The following CPA6 variants were observed in gnomAD, a reference collection of about 807,000 sequenced individuals.
CPA6 encodes the protein carboxypeptidase B.
Under a neutral mutation model 63.3 loss-of-function variants are expected in CPA6, and 58 were observed. The ratio of observed to expected loss-of-function variants is 0.92; its 90% CI spans 0.74 to 1.14. The LOEUF (loss-of-function observed/expected upper bound fraction) is 1.14, where lower values mean the gene tolerates loss of function less well. Among genes scored for constraint, CPA6 ranks in the 50% most tolerant of loss-of-function variants. CPA6 has a pLI of 0.00. For missense variants in CPA6, 565 were observed against 526.6 expected, an observed-to-expected ratio of 1.07 and a Z score of -0.71; for synonymous variants, 185 against 179.0, an observed-to-expected ratio of 1.03 and a Z score of -0.27.
intron 1 of CPA6, among the ~76,000 whole-genome samples, chr8:67,665,201 A>T (rs1816200554): frequency 6.6e-6 from 1 of 152,210 alleles, no homozygotes; most frequent in South Asian, 2.1e-4. Context: ...CACCAACAAC[A>T]TCCAAAAAAC....
chr8:67,488,874 A>G (rs2128961999), intron 6 of CPA6, among the ~76,000 whole-genome samples: 1 of 152,232 alleles, frequency 6.6e-6, no homozygotes, highest in East Asian at 1.9e-4. Flanking sequence ...TGGTGTAAGA[A>G]TGCTTGTGAT....
At chr8:67,458,485 A>C (rs899958645) in intron 8 of CPA6, among the ~76,000 whole-genome samples, 1 of 152,226 alleles carries the variant, frequency 6.6e-6, no homozygotes, top group Non-Finnish European at 1.5e-5. Flanking sequence ...GGAGTGAGCC[A>C]TCGTGCCTGG....
chr8:67,721,149 T>C (rs911647732), intron 1 of CPA6, among the ~76,000 whole-genome samples: 2 of 152,258 alleles, frequency 1.3e-5, no homozygotes, highest in Non-Finnish European at 2.9e-5. Flanking sequence ...TTGCTTCCTT[T>C]TATAAGCCCA....
chr8:67,609,054 C>T (rs1019245117), intron 2 of CPA6, among the ~76,000 whole-genome samples: 2 of 152,224 alleles, frequency 1.3e-5, no homozygotes, highest in Non-Finnish European at 2.9e-5. Context: ...ACATGTGTCA[C>T]TCTATGGTAT....
Position 67,434,198 on chromosome 8 carries a change from C to G in CPA6, c.881G>C (p.Gly294Ala). The change falls in exon 9 of 11, where the codon GGC becomes GCC. Residue 294 changes from glycine to alanine, a missense_variant. Gly to Ala is a moderately conservative substitution (Grantham distance 60). Coordinates refer to ENST00000297770, the MANE Select transcript of CPA6 (RefSeq NM_020361.5). ...TTCCGGCTCAGATTCTGGAAAAGGG[C>G]CACAGTATGTGTCATCACAAGGGTG... is the stretch of plus-strand genomic sequence containing the variant. ...SMHPCDDTYCGPFPESEPEVK... is the reference protein window; with the variant it reads ...SMHPCDDTYCAPFPESEPEVK... The G allele has an allele frequency of 6.2e-7, 1 of 1,614,094 alleles. No individual in the cohort carries two copies. Among genetic ancestry groups the G allele is most frequent in the Non-Finnish European group, 8.5e-7 (1 of 1,180,022 alleles).
Position 67,518,037 on chromosome 8 carries a change from C to A in CPA6, c.203G>T (p.Trp68Leu). 1 of 1,596,488 alleles carries A rather than the reference C, an allele frequency of 6.3e-7. No homozygotes were observed. The highest frequency in any genetic ancestry group is 8.5e-7 in the Non-Finnish European group (1 of 1,173,034). Residue 68 changes from tryptophan (W) to leucine (L), a missense_variant, in exon 3 of 11, where the codon TGG (tryptophan) becomes TTG (leucine). Coordinates refer to ENST00000297770, the MANE Select transcript of CPA6 (RefSeq NM_020361.5). ...KISYQLKVDL[W>L]QPSSISYVSE... Reference sequence around the variant, plus strand: ...TACATAGGAGATACTGCTGGGCTGCCACAGGTCCACCTGTAGTGCAGGAAC... The same window carrying A: ...TACATAGGAGATACTGCTGGGCTGCAACAGGTCCACCTGTAGTGCAGGAAC...
chr8:67,426,847 G>A (rs1271058370), intron 10 of CPA6, among the ~76,000 whole-genome samples: 1 of 152,142 alleles, frequency 6.6e-6, no homozygotes, highest in Non-Finnish European at 1.5e-5. Flanking sequence ...GAGTTTAAAA[G>A]GCCCTGAATC....
chr8:67,575,298 T>A (rs1813593976), intron 2 of CPA6, among the ~76,000 whole-genome samples: 1 of 152,174 alleles, frequency 6.6e-6, no homozygotes, highest in South Asian at 2.1e-4. Flanking sequence ...GAATGTAAAT[T>A]AGTACAGCCA....
At chr8:67,638,656 CA>C (rs1374965551) in intron 1 of CPA6, among the ~76,000 whole-genome samples, 2 of 151,550 alleles carry the variant, frequency 1.3e-5, no homozygotes, top group African/African-American at 4.9e-5. Flanking sequence ...ACCACTCCCC[CA>C]GGGGCAGCGT....
chr8:67,520,606 A>G (rs1403441874), intron 2 of CPA6, among the ~76,000 whole-genome samples: 1 of 152,222 alleles, frequency 6.6e-6, no homozygotes, highest in Non-Finnish European at 1.5e-5. Flanking sequence ...AGTAATTACC[A>G]TCTGAGATTT....
intron 1 of CPA6, among the ~76,000 whole-genome samples, chr8:67,676,824 T>G (rs914540735): frequency 6.6e-6 from 1 of 152,232 alleles, no homozygotes; most frequent in Non-Finnish European, 1.5e-5. Context: ...ATAAAAGCCT[T>G]TAAATGCTGA....
At chr8:67,608,165 G>T (rs1337896768) in intron 2 of CPA6, among the ~76,000 whole-genome samples, 1 of 152,188 alleles carries the variant, frequency 6.6e-6, no homozygotes, top group African/African-American at 2.4e-5. Flanking sequence ...CAGACAGGAG[G>T]CAGGAGAGTA....
intron 1 of CPA6, among the ~76,000 whole-genome samples, chr8:67,690,598 T>C (rs569309563): frequency 3.3e-5 from 5 of 152,144 alleles, no homozygotes; most frequent in Admixed American, 2.6e-4. Flanking sequence ...CCTATTAAAC[T>C]CTGAAAAGCA....
chr8:67,626,519 G>A (rs925858633), intron 1 of CPA6, among the ~76,000 whole-genome samples: 2 of 152,214 alleles, frequency 1.3e-5, no homozygotes, highest in South Asian at 2.1e-4. Flanking sequence ...ATGTCATGAA[G>A]TTCATATTTC....
Position 67,461,098 on chromosome 8 carries a change from G to T in CPA6, c.838+22670C>A, listed in dbSNP as rs532425855. On this transcript the variant is annotated intron_variant, in intron 8 of 10. Coordinates refer to ENST00000297770, the MANE Select transcript of CPA6 (RefSeq NM_020361.5). ...TTTTTTTTATTGATCATTCTTGGGT[G>T]TTTCTCGCAGAGGGGGATTTGGCAG... is the stretch of plus-strand genomic sequence containing the variant. 3.8e-3 allele frequency among the ~76,000 whole-genome samples: 555 copies of T among 144,846 alleles called. 1 individual carries two copies. The highest frequency in any genetic ancestry group is 6.5e-3 in the Non-Finnish European group (434 of 66,704).
At position 67,573,375 on chromosome 8, in the gene CPA6, A is replaced by G. The variant is rs553608926; in HGVS notation, c.192+50801T>C. ...CATGATCTTATACATAGAAAATCCT[A>G]TAGATTCCACCAAAAATCTGTTAGA... On this transcript the variant is annotated intron_variant, in intron 2 of 10. Coordinates refer to ENST00000297770, the MANE Select transcript of CPA6 (RefSeq NM_020361.5). Among the ~76,000 whole-genome samples the G allele has an allele frequency of 3.9e-5, 6 of 152,332 alleles. No individual in the cohort carries two copies. In the South Asian group the frequency reaches 1.2e-3, roughly 32 times the overall value.
chr8:67,683,834 TG>T (rs898219235), intron 1 of CPA6, among the ~76,000 whole-genome samples: 3 of 151,562 alleles, frequency 2.0e-5, no homozygotes, highest in East Asian at 3.9e-4. Context: ...TTCTTCATAT[TG>T]GGGGGAGGGG....
intron 6 of CPA6, among the ~76,000 whole-genome samples, chr8:67,505,609 G>A (rs1290618961): frequency 1.3e-5 from 2 of 152,054 alleles, no homozygotes; most frequent in African/African-American, 4.8e-5. Context: ...ATTAGCTTTT[G>A]CATTTGTCCT....
At chr8:67,649,864 A>G (rs367752564) in intron 1 of CPA6, among the ~76,000 whole-genome samples, 88 of 152,314 alleles carry the variant, frequency 5.8e-4, no homozygotes, top group Middle Eastern at 3.4e-3. Flanking sequence ...AGACTTAAGG[A>G]AAAGGAAAGG....
Sources: gnomAD v4.1 joint callset for allele counts (sites outside exome capture counted in the v4.1 genomes callset) on GRCh38, gnomAD v4.1.1 for gene constraint, MANE v1.5 for transcripts, NCBI Gene and HGNC (gene_info 2026-07-23, HGNC 2026-07-21) for gene names.